Variants in DOCK2 observed in about 807,000 individuals in gnomAD.
DOCK2 encodes dedicator of cytokinesis 2.
In DOCK2, 87 loss-of-function variants were observed where a neutral mutation model predicts 248.9. The ratio of observed to expected loss-of-function variants is 0.35; its 90% CI spans 0.29 to 0.42. The LOEUF (loss-of-function observed/expected upper bound fraction) is 0.42. DOCK2 is among the 10% of genes least tolerant of loss of function. The probability of loss-of-function intolerance (pLI) is 1.00; values close to 1 mark genes in which losing one functional copy is unlikely to be tolerated. For synonymous variants in DOCK2, 805 were observed against 821.6 expected (o/e 0.98, Z 0.35); for missense variants, 1,747 against 2,300.2 (o/e 0.76, Z 4.92).
chr5:169,822,172 G>T (rs1768496893), intron 26 of DOCK2, among the ~76,000 whole-genome samples: 1 of 152,192 alleles, frequency 6.6e-6, no homozygotes. Context: ...AATAATGGGA[G>T]ACTTTAACAC....
chr5:169,874,050 T>C (rs1023091633), intron 27 of DOCK2, among the ~76,000 whole-genome samples: 1 of 151,822 alleles, frequency 6.6e-6, no homozygotes, highest in African/African-American at 2.4e-5. Flanking sequence ...GAATCTCCTT[T>C]ACAGAATCCA....
At chr5:169,904,301 A>G (rs547056490) in intron 27 of DOCK2, among the ~76,000 whole-genome samples, 2 of 151,412 alleles carry the variant, frequency 1.3e-5, no homozygotes, top group East Asian at 3.9e-4. Context: ...TCTTAATGCT[A>G]GTTGTCCCTT....
At chr5:169,675,154 C>T (rs1005483469) in intron 6 of DOCK2, among the ~76,000 whole-genome samples, 3 of 152,202 alleles carry the variant, frequency 2.0e-5, no homozygotes, top group Non-Finnish European at 2.9e-5. Context: ...GGGTAGGTAA[C>T]TTGTCCAGAG....
intron 2 of DOCK2, among the ~76,000 whole-genome samples, chr5:169,662,688 A>C (rs751253290): frequency 2.0e-5 from 3 of 152,220 alleles, no homozygotes; most frequent in Non-Finnish European, 4.4e-5. Context: ...CCATACGTTT[A>C]AACCATCAGA....
intron 26 of DOCK2, among the ~76,000 whole-genome samples, chr5:169,811,835 G>C (rs534245433): frequency 1.3e-5 from 2 of 150,284 alleles, no homozygotes; most frequent in African/African-American, 4.9e-5. Context: ...CCCCCACTCT[G>C]CATCTACACA....
intron 23 of DOCK2, among the ~76,000 whole-genome samples, chr5:169,753,644 G>A (rs1018128981): frequency 6.6e-6 from 1 of 152,160 alleles, no homozygotes; most frequent in Non-Finnish European, 1.5e-5. Context: ...ATTTCATTAA[G>A]ACTAAAGTCT....
At position 169,698,241 on chromosome 5, in the gene DOCK2, G is replaced by C. The variant is rs1480113852; in HGVS notation, c.980-133G>C. ...TCTGAGTGTTGTGCAGCACTGGCTTGCTTGCCATTTTAGGCCTTCCTGACC... is the reference window on the plus strand; with the variant it reads ...TCTGAGTGTTGTGCAGCACTGGCTTCCTTGCCATTTTAGGCCTTCCTGACC... On this transcript the variant is annotated intron_variant, in intron 10 of 51. Transcript: ENST00000520908. 6.7e-6 allele frequency: 5 copies of C among 747,380 alleles called. No homozygotes were observed. The African/African-American group carries it at 7.0e-5, about 10-fold the overall frequency. The allele number at this position is 747,380 out of a possible 1,614,324, so 46.3% of individuals were successfully genotyped here.
chr5:169,901,887 A>G (rs945658885), intron 27 of DOCK2, among the ~76,000 whole-genome samples: 36 of 152,186 alleles, frequency 2.4e-4, no homozygotes, highest in African/African-American at 8.4e-4. Context: ...CTTCCTCTGC[A>G]TGGTGGCCGC....
intron 27 of DOCK2, among the ~76,000 whole-genome samples, chr5:169,945,593 G>A (rs1307414943): frequency 6.6e-6 from 1 of 152,250 alleles, no homozygotes; most frequent in African/African-American, 2.4e-5. Context: ...GCTCAGAGAA[G>A]TGAAGTCTGT....
chr5:169,669,066 G>A (rs1357603516), intron 2 of DOCK2, among the ~76,000 whole-genome samples: 1 of 152,136 alleles, frequency 6.6e-6, no homozygotes, highest in Non-Finnish European at 1.5e-5. Flanking sequence ...AAAATCAGGA[G>A]CACCTTTATA....
At chr5:170,017,847 G>A (rs569518537) in intron 32 of DOCK2, among the ~76,000 whole-genome samples, 14 of 152,274 alleles carry the variant, frequency 9.2e-5, no homozygotes, top group African/African-American at 2.6e-4. Flanking sequence ...ATTCTTCTGC[G>A]CTCTGTGCTA....
At chr5:169,787,955 G>A (rs1036919872) in intron 25 of DOCK2, among the ~76,000 whole-genome samples, 1 of 151,778 alleles carries the variant, frequency 6.6e-6, no homozygotes, top group Non-Finnish European at 1.5e-5. Context: ...TTTGTAGGGG[G>A]CAGCCGCATC....
chr5:170,071,381 G>A (rs1561908491), intron 46 of DOCK2, among the ~76,000 whole-genome samples: 1 of 152,170 alleles, frequency 6.6e-6, no homozygotes, highest in African/African-American at 2.4e-5. Flanking sequence ...CTTAAAACAC[G>A]AGAAGGTTAG....
chr5:170,041,662 A>C (rs983037654), intron 37 of DOCK2, among the ~76,000 whole-genome samples: 1 of 152,256 alleles, frequency 6.6e-6, no homozygotes, highest in Non-Finnish European at 1.5e-5. Flanking sequence ...ACTGGCACCC[A>C]GGACAGGCAG....
chr5:169,700,345 C>T (rs568268881), intron 13 of DOCK2, among the ~76,000 whole-genome samples: 8 of 152,236 alleles, frequency 5.3e-5, no homozygotes, highest in Admixed American at 5.2e-4. Context: ...TAAATATAAA[C>T]ACATACCCCT....
chr5:169,851,348 A>G (rs1212130820), intron 27 of DOCK2, among the ~76,000 whole-genome samples: 1 of 152,220 alleles, frequency 6.6e-6, no homozygotes, highest in Non-Finnish European at 1.5e-5. Flanking sequence ...CAGCTGGAGC[A>G]TAAAAGAGCA....
intron 9 of DOCK2, among the ~76,000 whole-genome samples, chr5:169,690,353 C>G (rs559203312): frequency 1.3e-5 from 2 of 152,200 alleles, no homozygotes; most frequent in African/African-American, 2.4e-5. Context: ...GGGCATTGAC[C>G]AAACAGATGA....
At chr5:170,000,382 T>C (rs191963966) in intron 30 of DOCK2, 19 of 152,250 alleles carry the variant, frequency 1.2e-4, no homozygotes, top group African/African-American at 4.6e-4. Context: ...CTTCAGAGAA[T>C]TGATTGACTT....
chr5:169,699,907 T>C (rs1760866424), intron 12 of DOCK2, 107 bp from the exon 13 acceptor site: 1 of 1,524,670 alleles, frequency 6.6e-7, no homozygotes, highest in African/African-American at 1.4e-5. Context: ...GCTGTATGAC[T>C]CTGTTCCCAG....
Sources: allele counts gnomAD v4.1 joint callset (sites outside exome capture counted in the v4.1 genomes callset), GRCh38; gene constraint gnomAD v4.1.1; transcripts MANE v1.5; gene names NCBI Gene and HGNC (gene_info 2026-07-23, HGNC 2026-07-21).